Variants in LIN7C observed in about 807,000 individuals in gnomAD.
LIN7C encodes protein lin-7 homolog C.
Under a neutral mutation model 24.7 loss-of-function variants are expected in LIN7C, and 17 were observed. That is an observed-to-expected ratio of 0.69 (90% CI 0.47 to 1.03). The LOEUF is 1.03. Among genes scored for constraint, LIN7C ranks in the 50% least tolerant of loss-of-function variants. The pLI is 0.00. For synonymous variants in LIN7C, 90 were observed against 83.4 expected (o/e 1.08, Z -0.43); for missense variants, 204 against 239.0 (o/e 0.85, Z 0.97).
chr11:27,505,712 T>C (rs1220723434), intron 1 of LIN7C, among the ~76,000 whole-genome samples: 1 of 152,230 alleles, frequency 6.6e-6, no homozygotes, highest in Admixed American at 6.5e-5. Context: ...TAGTAATATT[T>C]AGACTAATTG....
At chr11:27,499,647 G>C in intron 3 of LIN7C, 79 bp from the exon 4 acceptor site, 1 of 1,275,048 alleles carries the variant, frequency 7.8e-7, no homozygotes, top group Non-Finnish European at 1.1e-6. Flanking sequence ...CCCCGAGATG[G>C]AGTCTCGCTC....
In LIN7C at chr11:27,496,123, T is replaced by A. The variant is rs6484306; in HGVS notation, c.*2526A>T. ...TCATTTTATAATGGGTTATTGACCC[T>A]AGGTGTCCTTTAGAACCACCTGGAA... On this transcript the variant is annotated 3_prime_UTR_variant, in exon 5 of 5. Transcript: ENST00000278193. 6.6e-6 allele frequency: 1 copy of A among 150,564 alleles called. No individual in the cohort carries two copies. 9.3% of individuals were successfully genotyped at this position (150,564 alleles called of 1,614,324 possible).
intron 3 of LIN7C, among the ~76,000 whole-genome samples, chr11:27,499,893 C>T (rs2133487913): frequency 6.6e-6 from 1 of 152,318 alleles, no homozygotes; most frequent in African/African-American, 2.4e-5. Flanking sequence ...TCCCAAAGTG[C>T]TGGGATTACA....
chr11:27,498,669 T>C lies in LIN7C; in HGVS notation c.574A>G (p.Lys192Glu). 1.2e-6 allele frequency: 2 copies of C among 1,614,028 alleles called. No individual in the cohort carries two copies. Among genetic ancestry groups the C allele is most frequent in the African/African-American group, 1.3e-5 (1 of 75,028 alleles). Residue 192 changes from lysine to glutamate, a missense_variant, in exon 5 of 5, where the codon AAA becomes GAA. Physicochemically the swap from Lys to Glu is moderately conservative, Grantham distance 56. Around this residue, in one of 3 missense-constraint regions of LIN7C, gnomAD observed 74 missense variants for 99.6 expected, o/e 0.74. Coordinates refer to ENST00000278193, the MANE Select transcript of LIN7C (RefSeq NM_018362.4). The stretch of plus-strand genomic sequence containing the variant: ...ATGTATTAGGTCTGTTGCCTGCGTT[T>C]TGCTGATCTCATTTTTTCAAAGCGC... ...ESRFEKMRSA[K>E]RRQQT
rs529655544 is a variant in LIN7C, at chr11:27,496,127, T to C, written c.*2522A>G. The stretch of plus-strand genomic sequence containing the variant: ...TTTATAATGGGTTATTGACCCTAGG[T>C]GTCCTTTAGAACCACCTGGAAAGCT... On this transcript the variant is annotated 3_prime_UTR_variant, in exon 5 of 5. Transcript: ENST00000278193. 2.0e-4 allele frequency: 30 copies of C among 150,968 alleles called. No homozygotes were observed. Among genetic ancestry groups the C allele is most frequent in the African/African-American group, 6.8e-4 (28 of 40,998 alleles). 9.4% of individuals were successfully genotyped at this position (150,968 alleles called of 1,614,324 possible).
In LIN7C at chr11:27,501,100, G is replaced by A. The variant is rs1055982263; in HGVS notation, c.228+395C>T. On this transcript the variant is annotated intron_variant, in intron 3 of 4. Coordinates refer to ENST00000278193, the MANE Select transcript of LIN7C (RefSeq NM_018362.4). ...ATCATATGCTATTTGTGTGGTTTGC[G>A]GCAAATCACCTCATGCTTCCTCATC... Among the ~76,000 whole-genome samples, 15 of 152,106 alleles carry A rather than the reference G, an allele frequency of 9.9e-5. No individual in the cohort carries two copies. The East Asian group carries it at 2.3e-3, about 24-fold the overall frequency.
Position 27,504,455 on chromosome 11 carries a change from A to T in LIN7C, c.37+2261T>A, listed in dbSNP as rs35924757. Among the ~76,000 whole-genome samples, 175 of 152,250 alleles carry T rather than the reference A, an allele frequency of 1.1e-3. 1 individual carries two copies. Among genetic ancestry groups the T allele is most frequent in the African/African-American group, 3.9e-3 (162 of 41,548 alleles). On this transcript the variant is annotated intron_variant, in intron 1 of 4. Transcript: ENST00000278193. The stretch of plus-strand genomic sequence containing the variant: ...ATATGTGATCAGGCACTGTATTGTA[A>T]TTGTACTGTAGGATTTTCTACTTTA...
At chr11:27,502,748 C>A (rs547182100) in intron 1 of LIN7C, among the ~76,000 whole-genome samples, 1 of 152,232 alleles carries the variant, frequency 6.6e-6, no homozygotes, top group South Asian at 2.1e-4. Flanking sequence ...CAGTTAACAA[C>A]TGAACCACAA....
In LIN7C at chr11:27,499,354, C is replaced by G; in HGVS notation, c.438+5G>C. 2 of 1,611,926 alleles carry G rather than the reference C, an allele frequency of 1.2e-6. No individual in the cohort carries two copies. Among genetic ancestry groups the G allele is most frequent in the Non-Finnish European group, 1.7e-6 (2 of 1,178,030 alleles). On this transcript the variant is annotated splice_donor_5th_base_variant and intron_variant, in intron 4 of 4. Coordinates refer to ENST00000278193, the MANE Select transcript of LIN7C (RefSeq NM_018362.4). ...ACTACAAATAGAAATAAAATTCATCCTTACCACTCCATTAACAGAGAGGAG... is the reference window on the plus strand; with the variant it reads ...ACTACAAATAGAAATAAAATTCATCGTTACCACTCCATTAACAGAGAGGAG...
At chr11:27,501,617 T>C (rs1590442149) in intron 2 of LIN7C, 51 bp from the exon 3 acceptor site, 2 of 1,021,538 alleles carry the variant, frequency 2.0e-6, no homozygotes, top group Middle Eastern at 2.1e-4. Context: ...GAGTTCTCTG[T>C]GAAGTTAAAA....
chr11:27,504,728 A>G (rs1442812511), intron 1 of LIN7C, among the ~76,000 whole-genome samples: 5 of 152,200 alleles, frequency 3.3e-5, no homozygotes, highest in Admixed American at 3.3e-4. Context: ...TATACTTTAA[A>G]TAATCTCTAG....
At chr11:27,505,972 T>G (rs1298447373) in intron 1 of LIN7C, among the ~76,000 whole-genome samples, 1 of 152,210 alleles carries the variant, frequency 6.6e-6, no homozygotes, top group East Asian at 1.9e-4. Context: ...GCCAGTTATT[T>G]TCGTAGGCTT....
intron 1 of LIN7C, among the ~76,000 whole-genome samples, chr11:27,503,448 A>G (rs779848417): frequency 1.3e-5 from 2 of 152,208 alleles, no homozygotes; most frequent in African/African-American, 4.8e-5. Flanking sequence ...ATTTTTCTTT[A>G]TAGAGTTAGT....
chr11:27,500,412 G>A lies in LIN7C; in HGVS notation c.229-844C>T, dbSNP rs573557749. ...ATAACTCAATATTGAGAAAAAGAGA[G>A]GTACATATAGCCAATCTGAATGTTT... On this transcript the variant is annotated intron_variant, in intron 3 of 4. Transcript: ENST00000278193. Among the ~76,000 whole-genome samples the A allele has an allele frequency of 5.9e-5, 9 of 152,160 alleles. No homozygotes were observed. In the South Asian group the frequency reaches 1.9e-3, roughly 32 times the overall value.
chr11:27,501,462 GA>G (rs1243066110), intron 3 of LIN7C, 32 bp downstream of exon 3: 1 of 1,329,926 alleles, frequency 7.5e-7, no homozygotes, highest in Non-Finnish European at 1.1e-6. Flanking sequence ...AATTTATGAA[GA>G]ATTCTTACTT....
At chr11:27,502,058 A>C (rs1246845639) in intron 1 of LIN7C, 138 bp from the exon 2 acceptor site, 12 of 601,116 alleles carry the variant, frequency 2.0e-5, no homozygotes, top group Non-Finnish European at 3.6e-5. Flanking sequence ...TTGAATTTGC[A>C]CATTTGGTGG....
intron 1 of LIN7C, among the ~76,000 whole-genome samples, chr11:27,503,668 C>T (rs1435862435): frequency 6.6e-6 from 1 of 152,192 alleles, no homozygotes; most frequent in Middle Eastern, 3.4e-3. Context: ...AGTCCACCAC[C>T]ATGCTCGGCT....
intron 1 of LIN7C, among the ~76,000 whole-genome samples, chr11:27,505,645 A>G (rs942372746): frequency 3.9e-5 from 6 of 152,250 alleles, no homozygotes; most frequent in African/African-American, 1.4e-4. Flanking sequence ...GGAAGGCATT[A>G]GGAAAGAGGT....
chr11:27,502,143 T>C (rs920590612), intron 1 of LIN7C, among the ~76,000 whole-genome samples: 5 of 152,126 alleles, frequency 3.3e-5, no homozygotes, highest in Non-Finnish European at 5.9e-5. Flanking sequence ...TTACAGTAGA[T>C]AGGAAAAACT....
Sources: gnomAD v4.1 joint callset for allele counts (sites outside exome capture counted in the v4.1 genomes callset) on GRCh38, gnomAD v4.1.1 for gene constraint, gnomAD v4.1.1 regional missense constraint, MANE v1.5 for transcripts, NCBI Gene and HGNC (gene_info 2026-07-23, HGNC 2026-07-21) for gene names.